The following CRTAC1 variants were observed in gnomAD, a reference collection of about 807,000 sequenced individuals.
CRTAC1 encodes the protein cartilage acidic protein 1, also known as acidic secreted protein in cartilage.
Under a neutral mutation model 67.8 loss-of-function variants are expected in CRTAC1, and 37 were observed. The ratio of observed to expected loss-of-function variants is 0.55; its 90% CI spans 0.42 to 0.72. The LOEUF (loss-of-function observed/expected upper bound fraction) is 0.72, where lower values mean the gene tolerates loss of function less well. Ranked by LOEUF, CRTAC1 falls within the 30% of genes least tolerant of loss-of-function variation. The probability of loss-of-function intolerance (pLI) is 0.00; values close to 1 mark genes in which losing one functional copy is unlikely to be tolerated. For synonymous variants in CRTAC1, 348 were observed against 371.0 expected (o/e 0.94, Z 0.71); for missense variants, 780 against 931.6 (o/e 0.84, Z 2.12).
rs1181495297 is a variant in CRTAC1 at position 97,897,010 on chromosome 10, G to T, written c.1134-19C>A. On this transcript the variant is annotated intron_variant, in intron 8 of 14. Transcript: ENST00000370597. ...GATGACGCTGCAGGAGAGGAGACAG[G>T]CTTGCTCTGGTGGGGTCTCAGAGGC... is the stretch of plus-strand genomic sequence containing the variant. 9.7e-6 allele frequency: 15 copies of T among 1,542,856 alleles called. No homozygotes were observed. Among genetic ancestry groups the T allele is most frequent in the Non-Finnish European group, 1.2e-5 (14 of 1,139,812 alleles).
chr10:97,994,148 C>T (rs753717629), intron 2 of CRTAC1, among the ~76,000 whole-genome samples: 9 of 152,148 alleles, frequency 5.9e-5, no homozygotes, highest in Admixed American at 1.3e-4. Flanking sequence ...TGAGCCACCG[C>T]GCCTGGCCTA....
At chr10:97,878,565 G>T in intron 14 of CRTAC1, 1 of 1,270,156 alleles carries the variant, frequency 7.9e-7, no homozygotes, top group Non-Finnish European at 1.0e-6. Context: ...TTTATAACAA[G>T]CCTTCACTAC....
At chr10:97,909,414 C>T (rs1051660781) in intron 5 of CRTAC1, among the ~76,000 whole-genome samples, 6 of 152,178 alleles carry the variant, frequency 3.9e-5, no homozygotes, top group African/African-American at 7.2e-5. Flanking sequence ...GGGCAATTTA[C>T]GTTACCCTTG....
At chr10:98,011,365 G>T (rs367994741) in intron 1 of CRTAC1, 28 bp from the exon 2 acceptor site, 2 of 1,611,816 alleles carry the variant, frequency 1.2e-6, no homozygotes, top group Non-Finnish European at 1.7e-6. Flanking sequence ...AAATGTTACC[G>T]AAAGAACCTG....
intron 2 of CRTAC1, among the ~76,000 whole-genome samples, chr10:97,970,881 TA>T (rs1409424797): frequency 6.6e-6 from 1 of 152,216 alleles, no homozygotes; most frequent in African/African-American, 2.4e-5. Flanking sequence ...AACAAGTGCC[TA>T]TAGAGTAATA....
intron 2 of CRTAC1, among the ~76,000 whole-genome samples, chr10:97,943,261 A>C (rs1299381312): frequency 1.3e-5 from 2 of 152,238 alleles, no homozygotes; most frequent in African/African-American, 2.4e-5. Flanking sequence ...GCCGACAAGC[A>C]CAGAGAAAAT....
chr10:97,880,161 TG>T, intron 14 of CRTAC1, 87 bp downstream of exon 14: 1 of 1,472,966 alleles, frequency 6.8e-7, no homozygotes, highest in Non-Finnish European at 9.4e-7. Flanking sequence ...AGGAAGGGGC[TG>T]GGGACCTTGA....
chr10:97,974,440 A>G (rs1268196803), intron 2 of CRTAC1, among the ~76,000 whole-genome samples: 2 of 152,234 alleles, frequency 1.3e-5, no homozygotes. Flanking sequence ...ACAAGTTAGG[A>G]AAAAATCAGA....
At chr10:98,014,216 C>T (rs562450344) in intron 1 of CRTAC1, among the ~76,000 whole-genome samples, 33 of 152,282 alleles carry the variant, frequency 2.2e-4, no homozygotes, top group South Asian at 1.7e-3. Flanking sequence ...ACCAGTGCAT[C>T]GGCATCACTT....
chr10:97,883,315 C>T (rs575844322), intron 12 of CRTAC1, among the ~76,000 whole-genome samples: 1 of 152,324 alleles, frequency 6.6e-6, no homozygotes, highest in African/African-American at 2.4e-5. Flanking sequence ...AGGGAAGACT[C>T]AAGGCTTTGC....
rs1340185535 is a variant in CRTAC1 at position 97,877,144 on chromosome 10, A to C, written c.1819+3105T>G. 4.6e-5 allele frequency among the ~76,000 whole-genome samples: 7 copies of C among 152,070 alleles called. 1 individual carries two copies. Among genetic ancestry groups the C allele is most frequent in the Non-Finnish European group, 1.0e-4 (7 of 68,014 alleles). ...GAACCTAGTGCTTGTCATACAGGAT[A>C]TTCTCAATAAATGCTTGCTGAATGA... On this transcript the variant is annotated intron_variant, in intron 14 of 14. Transcript: ENST00000370597.
At position 97,923,246 on chromosome 10, in the gene CRTAC1, A is replaced by T. The variant is rs949981754; in HGVS notation, c.558+18T>A. ...TCATGTGGCTTCTCCCCAGGACCCCATGTGCCCCTGCACTCACCTTTCTGT... is the reference window on the plus strand; with the variant it reads ...TCATGTGGCTTCTCCCCAGGACCCCTTGTGCCCCTGCACTCACCTTTCTGT... On this transcript the variant is annotated intron_variant, in intron 4 of 14. Coordinates refer to ENST00000370597, the MANE Select transcript of CRTAC1 (RefSeq NM_018058.7). 1 of 1,613,754 alleles carries T rather than the reference A, an allele frequency of 6.2e-7. No homozygotes were observed. The highest frequency in any genetic ancestry group is 1.7e-5 in the Admixed American group (1 of 60,020).
intron 2 of CRTAC1, among the ~76,000 whole-genome samples, chr10:97,998,939 C>T (rs1055906413): frequency 8.6e-5 from 13 of 151,924 alleles, no homozygotes; most frequent in Non-Finnish European, 1.5e-4. Context: ...TCAAAGTAAA[C>T]CTCTAAAAAA....
At chr10:97,898,029 T>C (rs544513447) in intron 8 of CRTAC1, among the ~76,000 whole-genome samples, 1 of 152,220 alleles carries the variant, frequency 6.6e-6, no homozygotes, top group African/African-American at 2.4e-5. Flanking sequence ...TTGGTGTGCA[T>C]GAGTGTGATG....
chr10:97,978,840 C>T (rs2051847930), intron 2 of CRTAC1, among the ~76,000 whole-genome samples: 1 of 152,162 alleles, frequency 6.6e-6, no homozygotes, highest in Admixed American at 6.6e-5. Flanking sequence ...TTGGTGGTTC[C>T]TTACAAGATT....
At chr10:97,901,392 G>T (rs1392809403) in intron 8 of CRTAC1, 111 bp downstream of exon 8, 1 of 1,340,942 alleles carries the variant, frequency 7.5e-7, no homozygotes. Context: ...ACCTTGGCCT[G>T]ACCCCCTGGC....
At chr10:98,023,465 T>G (rs1843162842) in intron 1 of CRTAC1, among the ~76,000 whole-genome samples, 1 of 152,190 alleles carries the variant, frequency 6.6e-6, no homozygotes, top group South Asian at 2.1e-4. Context: ...GGCACTGAAT[T>G]TGTGGCTGAG....
At chr10:97,962,907 A>C (rs1363922837) in intron 2 of CRTAC1, among the ~76,000 whole-genome samples, 14 of 152,162 alleles carry the variant, frequency 9.2e-5, no homozygotes, top group South Asian at 2.1e-4. Flanking sequence ...AAAAAACAAA[A>C]AAAACAAAAC....
intron 1 of CRTAC1, among the ~76,000 whole-genome samples, chr10:98,018,381 C>T (rs1843046036): frequency 6.6e-6 from 1 of 151,944 alleles, no homozygotes; most frequent in African/African-American, 2.4e-5. Context: ...TATGACCTGC[C>T]AAGATTTCAA....
Sources: allele counts gnomAD v4.1 joint callset (sites outside exome capture counted in the v4.1 genomes callset), GRCh38; gene constraint gnomAD v4.1.1; transcripts MANE v1.5; gene names NCBI Gene and HGNC (gene_info 2026-07-23, HGNC 2026-07-21).